C1orf21: variants seen among roughly 807,000 people sequenced by gnomAD.
The protein encoded by C1orf21 is uncharacterized protein C1orf21.
In C1orf21, 3 loss-of-function variants were observed where a neutral mutation model predicts 18.7. The observed-to-expected ratio is 0.16, with a 90% CI of 0.07 to 0.42. C1orf21 has a LOEUF of 0.42. Among genes scored for constraint, C1orf21 ranks in the 10% least tolerant of loss-of-function variants. The pLI, the probability that C1orf21 is intolerant of heterozygous loss-of-function variation, is 0.99. For missense variants in C1orf21, 104 were observed against 143.6 expected, an observed-to-expected ratio of 0.72 and a Z score of 1.41; for synonymous variants, 41 against 46.4, an observed-to-expected ratio of 0.88 and a Z score of 0.47.
intron 1 of C1orf21, among the ~76,000 whole-genome samples, chr1:184,425,846 G>A (rs1239753403): frequency 6.6e-6 from 1 of 152,194 alleles, no homozygotes; most frequent in Non-Finnish European, 1.5e-5. Context: ...ATCTCAGTCC[G>A]CCTTGAATTA....
intron 2 of C1orf21, among the ~76,000 whole-genome samples, chr1:184,495,488 CT>C (rs1439981280): frequency 6.6e-6 from 1 of 152,178 alleles, no homozygotes; most frequent in African/African-American, 2.4e-5. Flanking sequence ...TCTGAATCTC[CT>C]TTCTGCTTTG....
At chr1:184,421,780 A>G (rs1656550622) in intron 1 of C1orf21, among the ~76,000 whole-genome samples, 2 of 152,148 alleles carry the variant, frequency 1.3e-5, no homozygotes, top group South Asian at 2.1e-4. Context: ...GGGAAATACT[A>G]TTTACAGTGG....
At chr1:184,460,623 T>TCGTCG (rs1557977779) in intron 1 of C1orf21, among the ~76,000 whole-genome samples, 13 of 13,000 alleles carry the variant, frequency 1.0e-3, no homozygotes, top group Admixed American at 1.3e-3. Context: ...CGTCGTCGTC[T>TCGTCG]TCTTCTTCTT....
chr1:184,617,916 T>G (rs1280292810), intron 5 of C1orf21, among the ~76,000 whole-genome samples: 6 of 146,990 alleles, frequency 4.1e-5, no homozygotes, highest in African/African-American at 1.0e-4. Context: ...TTTTTTTTTT[T>G]TTTTTTTTTT....
chr1:184,442,795 A>C (rs961731624), intron 1 of C1orf21, among the ~76,000 whole-genome samples: 1 of 152,136 alleles, frequency 6.6e-6, no homozygotes, highest in Non-Finnish European at 1.5e-5. Context: ...AAAACTATTT[A>C]TATATATAAA....
At chr1:184,487,262 C>T (rs1375490595) in intron 2 of C1orf21, among the ~76,000 whole-genome samples, 2 of 152,218 alleles carry the variant, frequency 1.3e-5, no homozygotes, top group Non-Finnish European at 2.9e-5. Flanking sequence ...CCCTGGGCCT[C>T]ATTAGGCCCT....
In C1orf21 at chr1:184,430,825, A is replaced by G. The variant is rs532632068; in HGVS notation, c.-125+43457A>G. Among the ~76,000 whole-genome samples, 6 of 152,334 alleles carry G rather than the reference A, an allele frequency of 3.9e-5. No homozygotes were observed. The South Asian group carries it at 1.2e-3, about 32-fold the overall frequency. On this transcript the variant is annotated intron_variant, in intron 1 of 5. Transcript: ENST00000235307. The stretch of plus-strand genomic sequence containing the variant: ...TAGTTTCTTCTAATTCTGTGAAGAA[A>G]GTCAATGGCAGCTTGATGGGGATAG...
At chr1:184,464,610 T>C (rs1003252278) in intron 1 of C1orf21, among the ~76,000 whole-genome samples, 17 of 152,244 alleles carry the variant, frequency 1.1e-4, no homozygotes, top group Admixed American at 5.2e-4. Flanking sequence ...GTATCTACTT[T>C]GAAAGAAATG....
chr1:184,563,037 T>C (rs747531075), intron 3 of C1orf21, among the ~76,000 whole-genome samples: 4 of 152,232 alleles, frequency 2.6e-5, no homozygotes, highest in Non-Finnish European at 5.9e-5. Context: ...TGCATCATGA[T>C]TTATTAACAA....
chr1:184,502,301 G>A (rs1375830198), intron 2 of C1orf21, among the ~76,000 whole-genome samples: 2 of 152,150 alleles, frequency 1.3e-5, no homozygotes, highest in Non-Finnish European at 2.9e-5. Context: ...CTAAATTCAC[G>A]CCTGCAAGGC....
At chr1:184,468,622 A>T (rs755068783) in intron 1 of C1orf21, among the ~76,000 whole-genome samples, 7 of 152,134 alleles carry the variant, frequency 4.6e-5, no homozygotes, top group Admixed American at 1.3e-4. Context: ...TTTTGTTTTT[A>T]AAAAAACGAT....
chr1:184,543,947 G>C (rs1029149115), intron 3 of C1orf21, among the ~76,000 whole-genome samples: 10 of 152,068 alleles, frequency 6.6e-5, no homozygotes, highest in Non-Finnish European at 1.2e-4. Context: ...GTTCATATTT[G>C]ATTTGAGACT....
At chr1:184,430,670 C>G (rs1189021383) in intron 1 of C1orf21, among the ~76,000 whole-genome samples, 1 of 152,130 alleles carries the variant, frequency 6.6e-6, no homozygotes. Flanking sequence ...GCATCTGGCC[C>G]CCAAATACCA....
At chr1:184,539,054 A>C (rs1044620932) in intron 3 of C1orf21, among the ~76,000 whole-genome samples, 7 of 152,148 alleles carry the variant, frequency 4.6e-5, no homozygotes, top group African/African-American at 1.7e-4. Flanking sequence ...AGTGATGAAA[A>C]TGGGCATCCT....
chr1:184,560,352 G>A (rs1213339441), intron 3 of C1orf21, among the ~76,000 whole-genome samples: 1 of 152,162 alleles, frequency 6.6e-6, no homozygotes, highest in Non-Finnish European at 1.5e-5. Flanking sequence ...GGCACCGTAA[G>A]ATCTTTGCAA....
At chr1:184,537,445 G>A (rs944379322) in intron 3 of C1orf21, among the ~76,000 whole-genome samples, 19 of 152,188 alleles carry the variant, frequency 1.2e-4, no homozygotes, top group African/African-American at 4.1e-4. Flanking sequence ...AGGTCCATCC[G>A]TGTCGTATCC....
intron 2 of C1orf21, among the ~76,000 whole-genome samples, chr1:184,492,983 T>C (rs754935496): frequency 6.6e-6 from 1 of 152,264 alleles, no homozygotes; most frequent in Non-Finnish European, 1.5e-5. Flanking sequence ...TATTAACTTA[T>C]ATAGCTGTAC....
intron 1 of C1orf21, among the ~76,000 whole-genome samples, chr1:184,414,269 C>G (rs1256413695): frequency 1.3e-5 from 2 of 152,028 alleles, no homozygotes; most frequent in Non-Finnish European, 2.9e-5. Flanking sequence ...TAGCTGGGAC[C>G]ACAGGCATGC....
chr1:184,441,667 A>G (rs1456966240), intron 1 of C1orf21, among the ~76,000 whole-genome samples: 1 of 152,254 alleles, frequency 6.6e-6, no homozygotes, highest in Non-Finnish European at 1.5e-5. Flanking sequence ...AGGCAGAACT[A>G]GTAATCCTAA....
Sources: allele counts gnomAD v4.1 joint callset (sites outside exome capture counted in the v4.1 genomes callset), GRCh38; gene constraint gnomAD v4.1.1; transcripts MANE v1.5; gene names NCBI Gene and HGNC (gene_info 2026-07-23, HGNC 2026-07-21).